The following OSBPL1A variants were observed in gnomAD, a reference collection of about 807,000 sequenced individuals.
The protein encoded by OSBPL1A is oxysterol-binding protein-related protein 1.
Under a neutral mutation model 137.1 loss-of-function variants are expected in OSBPL1A, and 80 were observed. The observed-to-expected ratio is 0.58, with a 90% CI of 0.49 to 0.70. The LOEUF is 0.70. Among genes scored for constraint, OSBPL1A ranks in the 30% least tolerant of loss-of-function variants. OSBPL1A has a pLI of 0.00. For missense variants in OSBPL1A, 970 were observed against 1,129.4 expected (o/e 0.86, Z 2.02); for synonymous variants, 365 against 389.7 (o/e 0.94, Z 0.75).
chr18:24,319,092 A>G (rs1475269311), intron 7 of OSBPL1A, among the ~76,000 whole-genome samples: 1 of 152,236 alleles, frequency 6.6e-6, no homozygotes, highest in Non-Finnish European at 1.5e-5. Flanking sequence ...TTACAGTTTC[A>G]GAGATCAGAA....
intron 13 of OSBPL1A, among the ~76,000 whole-genome samples, chr18:24,309,551 T>C (rs1162416731): frequency 6.6e-6 from 1 of 152,210 alleles, no homozygotes; most frequent in Non-Finnish European, 1.5e-5. Flanking sequence ...CTAGAATGAC[T>C]AATTCCCCTT....
intron 14 of OSBPL1A, among the ~76,000 whole-genome samples, chr18:24,294,799 T>A (rs967125886): frequency 5.3e-5 from 8 of 152,232 alleles, no homozygotes; most frequent in Non-Finnish European, 1.5e-5. Context: ...ACCACGTTAT[T>A]TATCCATTCA....
chr18:24,165,760 C>G (rs1292639107), intron 26 of OSBPL1A, among the ~76,000 whole-genome samples: 1 of 152,048 alleles, frequency 6.6e-6, no homozygotes. Flanking sequence ...GGAAAAATGC[C>G]CCCCTTTTGA....
rs368886930 is a variant in OSBPL1A at position 24,318,766 on chromosome 18, G to T, written c.669C>A (p.His223Gln). 1 of 1,613,152 alleles carries T rather than the reference G, an allele frequency of 6.2e-7. No homozygotes were observed. ...LDLAQGAEMK[H>Q]ILVGNKVIYK... ...TCTGTACCTTATTACCAACAAGAAT[G>T]TGTTTCATTTCAGCACCCTGGGCAA... Residue 223 changes from histidine (H) to glutamine (Q), a missense_variant, in exon 8 of 28, where the codon CAC (histidine) becomes CAA (glutamine). This residue lies in a region of OSBPL1A where 647 missense variants were observed against 672.6 expected (regional missense o/e 0.96). Transcript: ENST00000319481.
chr18:24,244,693 G>T (rs2088828640), intron 15 of OSBPL1A, among the ~76,000 whole-genome samples: 1 of 152,116 alleles, frequency 6.6e-6, no homozygotes, highest in African/African-American at 2.4e-5. Flanking sequence ...TCCCTTTCAG[G>T]CCAGAAGGCA....
chr18:24,185,654 G>A (rs566149973), intron 18 of OSBPL1A, among the ~76,000 whole-genome samples: 1 of 152,298 alleles, frequency 6.6e-6, no homozygotes, highest in South Asian at 2.1e-4. Context: ...CCGCCCTGGT[G>A]AGGGATGCTG....
At chr18:24,360,363 T>C (rs2091603650) in intron 4 of OSBPL1A, among the ~76,000 whole-genome samples, 1 of 152,240 alleles carries the variant, frequency 6.6e-6, no homozygotes, top group Admixed American at 6.5e-5. Context: ...TTCTACTTAC[T>C]GAATCACAGG....
chr18:24,289,534 G>A (rs896280129), intron 14 of OSBPL1A, among the ~76,000 whole-genome samples: 7 of 145,744 alleles, frequency 4.8e-5, no homozygotes, highest in African/African-American at 1.8e-4. Flanking sequence ...CAATTCTCCT[G>A]CCTCAGGATC....
chr18:24,352,578 A>G (rs924437402), intron 4 of OSBPL1A, among the ~76,000 whole-genome samples: 1 of 152,148 alleles, frequency 6.6e-6, no homozygotes, highest in African/African-American at 2.4e-5. Flanking sequence ...TAAAGTTCAT[A>G]TGGAACGAAA....
chr18:24,374,091 A>G (rs1368413983), intron 2 of OSBPL1A, among the ~76,000 whole-genome samples: 1 of 152,210 alleles, frequency 6.6e-6, no homozygotes, highest in African/African-American at 2.4e-5. Flanking sequence ...TCCTGAGGTA[A>G]AGATAAAGAG....
intron 7 of OSBPL1A, among the ~76,000 whole-genome samples, chr18:24,331,504 C>T (rs1406226823): frequency 1.3e-5 from 2 of 150,128 alleles, no homozygotes; most frequent in Non-Finnish European, 2.9e-5. Flanking sequence ...TCACGCCATT[C>T]TCCTGCCTCA....
chr18:24,195,773 G>A (rs573968119), intron 18 of OSBPL1A, among the ~76,000 whole-genome samples: 1 of 152,246 alleles, frequency 6.6e-6, no homozygotes, highest in South Asian at 2.1e-4. Context: ...AACTTGCTCT[G>A]TGCACAGAAG....
At chr18:24,229,764 T>G (rs1323267861) in intron 16 of OSBPL1A, among the ~76,000 whole-genome samples, 2 of 152,080 alleles carry the variant, frequency 1.3e-5, no homozygotes, top group Non-Finnish European at 2.9e-5. Flanking sequence ...TTTTGGCTTT[T>G]TTTTGAGACG....
At chr18:24,318,265 G>A (rs1230699456) in intron 9 of OSBPL1A, among the ~76,000 whole-genome samples, 1 of 151,972 alleles carries the variant, frequency 6.6e-6, no homozygotes, top group South Asian at 2.1e-4. Context: ...CCAAGGTGTT[G>A]AACCCTCGTC....
At chr18:24,305,502 A>C (rs371646310) in intron 13 of OSBPL1A, among the ~76,000 whole-genome samples, 8 of 152,248 alleles carry the variant, frequency 5.3e-5, no homozygotes, top group African/African-American at 1.9e-4. Flanking sequence ...GAGGTTATTA[A>C]TATAATAAAA....
chr18:24,171,263 A>G, intron 23 of OSBPL1A, 146 bp downstream of exon 23: 1 of 550,202 alleles, frequency 1.8e-6, no homozygotes, highest in Non-Finnish European at 3.2e-6. Flanking sequence ...CTTGAACCTG[A>G]CCTCGTGATC....
At chr18:24,213,369 A>C (rs577777540) in intron 17 of OSBPL1A, among the ~76,000 whole-genome samples, 27 of 152,286 alleles carry the variant, frequency 1.8e-4, no homozygotes, top group African/African-American at 5.8e-4. Context: ...GGAGTTCGAG[A>C]CCAGCCTGGG....
intron 14 of OSBPL1A, among the ~76,000 whole-genome samples, chr18:24,289,978 C>T (rs180908846): frequency 8.7e-4 from 133 of 152,194 alleles, no homozygotes; most frequent in African/African-American, 3.0e-3. Flanking sequence ...GTCACTTTCA[C>T]ACTATTGTAA....
chr18:24,249,609 A>G (rs2146024683), intron 15 of OSBPL1A, among the ~76,000 whole-genome samples: 1 of 152,316 alleles, frequency 6.6e-6, no homozygotes, highest in South Asian at 2.1e-4. Context: ...TGCAGAGTAC[A>G]CCAACTGGGG....
Sources: allele counts gnomAD v4.1 joint callset (sites outside exome capture counted in the v4.1 genomes callset), GRCh38; gene constraint gnomAD v4.1.1; regional missense constraint gnomAD v4.1.1; transcripts MANE v1.5; gene names NCBI Gene and HGNC (gene_info 2026-07-23, HGNC 2026-07-21).